RYR2: variants seen among roughly 807,000 people sequenced by gnomAD.
The protein encoded by RYR2 is ryanodine receptor 2.
A neutral mutation model predicts 601.1 loss-of-function variants in RYR2; 227 were observed. The observed-to-expected ratio is 0.38, with a 90% CI of 0.34 to 0.42. The LOEUF (loss-of-function observed/expected upper bound fraction) is 0.42. Ranked by LOEUF, RYR2 falls within the 10% of genes least tolerant of loss-of-function variation. The probability of loss-of-function intolerance (pLI) is 1.00; values close to 1 mark genes in which losing one functional copy is unlikely to be tolerated. For synonymous variants in RYR2, 2,223 were observed against 2,175.1 expected, an observed-to-expected ratio of 1.02 and a Z score of -0.61; for missense variants, 4,646 against 6,156.5, an observed-to-expected ratio of 0.75 and a Z score of 8.21.
At chr1:237,507,231 G>A (rs1665363901) in intron 23 of RYR2, among the ~76,000 whole-genome samples, 2 of 152,208 alleles carry the variant, frequency 1.3e-5, no homozygotes, top group Admixed American at 6.5e-5. Flanking sequence ...TTCCAATTGT[G>A]TGTAAAAGCG....
At chr1:237,229,453 C>G (rs1229523418) in intron 1 of RYR2, among the ~76,000 whole-genome samples, 1 of 152,180 alleles carries the variant, frequency 6.6e-6, no homozygotes, top group Non-Finnish European at 1.5e-5. Context: ...AGCACAGCTT[C>G]TGGTGACCCG....
At position 237,092,098 on chromosome 1, in the gene RYR2, G is replaced by C. The variant is rs182267284; in HGVS notation, c.48+49529G>C. 5.9e-4 allele frequency among the ~76,000 whole-genome samples: 90 copies of C among 152,262 alleles called. 2 individuals are homozygous for C. Among genetic ancestry groups the C allele is most frequent in the Admixed American group, 5.9e-3 (90 of 15,296 alleles). Reference sequence around the variant, plus strand: ...GAATGACAATTACCTAAATATACTAGAGCACCTTTATAATACTGATTTCAG... The same window carrying C: ...GAATGACAATTACCTAAATATACTACAGCACCTTTATAATACTGATTTCAG... On this transcript the variant is annotated intron_variant, in intron 1 of 104. Transcript: ENST00000366574.
At chr1:237,705,816 A>G (rs1465872259) in intron 67 of RYR2, among the ~76,000 whole-genome samples, 1 of 152,234 alleles carries the variant, frequency 6.6e-6, no homozygotes, top group African/African-American at 2.4e-5. Flanking sequence ...ATCCAGGATG[A>G]GTCAGAACAG....
At chr1:237,648,724 G>T in intron 49 of RYR2, 111 bp downstream of exon 49, 1 of 1,225,584 alleles carries the variant, frequency 8.2e-7, no homozygotes. Context: ...TGTTTATTGA[G>T]TACCTGTTAT....
Position 237,623,768 on chromosome 1 carries a change from A to G in RYR2, c.5920A>G (p.Asn1974Asp). Residue 1974 changes from asparagine to aspartate, a missense_variant, in exon 39 of 105, where the codon AAT becomes GAT. Transcript: ENST00000366574. ...TTCTTGTTTTTCAAACTTTCAGATC[A>G]ATATGCTTCTCAATTTTAAGGATGA... ...EFRSPPQEQI[N>D]MLLNFKDDKS... is the part of the protein sequence containing the mutation. 4 of 1,597,350 alleles carry G rather than the reference A, an allele frequency of 2.5e-6. No individual in the cohort carries two copies. The highest frequency in any genetic ancestry group is 3.4e-6 in the Non-Finnish European group (4 of 1,166,056).
At chr1:237,512,107 C>T (rs561444232) in intron 24 of RYR2, among the ~76,000 whole-genome samples, 16 of 152,062 alleles carry the variant, frequency 1.1e-4, no homozygotes, top group Middle Eastern at 6.8e-3. Context: ...GGCTGTGGAC[C>T]GGGACTGTGT....
Position 237,469,191 on chromosome 1 carries a change from T to C in RYR2, c.1708+4T>C, listed in dbSNP as rs1034214545. On this transcript the variant is annotated splice_donor_region_variant and intron_variant, in intron 17 of 104. Transcript: ENST00000366574. ...GAAAGACTGGAAGCTTCTTCAGGTA[T>C]GTTTTCTAGTTTTTTCCTTGTTGTG... The C allele has an allele frequency of 1.3e-6, 2 of 1,599,430 alleles. No individual in the cohort carries two copies. Among genetic ancestry groups the C allele is most frequent in the African/African-American group, 1.4e-5 (1 of 73,982 alleles).
At chr1:237,623,367 C>CTTTGTTTCTTTCTTTG (rs1553528175) in intron 38 of RYR2, among the ~76,000 whole-genome samples, 14 of 61,692 alleles carry the variant, frequency 2.3e-4, no homozygotes, top group African/African-American at 7.6e-4. Flanking sequence ...TTGTTTCTTT[C>CTTTGTTTCTTTCTTTG]TTTCTTTCTT....
At chr1:237,286,321 C>T (rs1420054134) in intron 2 of RYR2, among the ~76,000 whole-genome samples, 9 of 151,804 alleles carry the variant, frequency 5.9e-5, no homozygotes. Context: ...CATGTATTTG[C>T]ATGGTTTTGA....
chr1:237,297,271 C>A (rs1266313494), intron 2 of RYR2, among the ~76,000 whole-genome samples: 1 of 152,078 alleles, frequency 6.6e-6, no homozygotes, highest in African/African-American at 2.4e-5. Flanking sequence ...CAAGACCAAG[C>A]CTTGAGCTGA....
At chr1:237,768,358 C>T (rs1229557273) in intron 84 of RYR2, among the ~76,000 whole-genome samples, 4 of 152,060 alleles carry the variant, frequency 2.6e-5, no homozygotes, top group African/African-American at 7.2e-5. Context: ...TATGAAGAGC[C>T]AGTGACGTAG....
chr1:237,441,177 G>A, intron 12 of RYR2, 142 bp from the exon 13 acceptor site: 1 of 693,292 alleles, frequency 1.4e-6, no homozygotes, highest in South Asian at 2.1e-5. Flanking sequence ...AACTGTTAGA[G>A]TAAAATATTT....
intron 38 of RYR2, among the ~76,000 whole-genome samples, chr1:237,621,666 T>A (rs1679089241): frequency 6.6e-6 from 1 of 152,196 alleles, no homozygotes. Context: ...ATGTTAATTA[T>A]CTTGATTTAA....
Position 237,106,840 on chromosome 1 carries a change from G to A in RYR2, c.48+64271G>A, listed in dbSNP as rs1047406399. Reference sequence around the variant, plus strand: ...AAGGCTCGCTTCCTGGTTCATAGGCGGCTGTCTTCTTGCTGTGTTGTCACG... The same window carrying A: ...AAGGCTCGCTTCCTGGTTCATAGGCAGCTGTCTTCTTGCTGTGTTGTCACG... On this transcript the variant is annotated intron_variant, in intron 1 of 104. Transcript: ENST00000366574. This position sits in a 1 kb window ranked among gnomAD's most constrained non-coding sequence, Gnocchi z 4.4. Among the ~76,000 whole-genome samples the A allele has an allele frequency of 6.6e-6, 1 of 152,180 alleles. No homozygotes were observed. Among genetic ancestry groups the A allele is most frequent in the Non-Finnish European group, 1.5e-5 (1 of 68,050 alleles).
intron 24 of RYR2, 54 bp downstream of exon 24, chr1:237,511,845 A>G: frequency 1.0e-6 from 1 of 987,746 alleles, no homozygotes; most frequent in Non-Finnish European, 1.4e-6. Context: ...AAAAAAAAAA[A>G]AAAAAAAAAA....
chr1:237,693,221 T>TTG (rs1687105779), intron 63 of RYR2, among the ~76,000 whole-genome samples: 1 of 152,064 alleles, frequency 6.6e-6, no homozygotes, highest in African/African-American at 2.4e-5. Flanking sequence ...TTTTTTTTTT[T>TTG]TCTCTTATTC....
chr1:237,579,058 C>T (rs1472093108), intron 29 of RYR2, among the ~76,000 whole-genome samples: 1 of 152,100 alleles, frequency 6.6e-6, no homozygotes. Context: ...AGAAGGCCAA[C>T]CAGTGCCTTT....
rs1660613160 is a variant in RYR2 at position 237,806,148 on chromosome 1, C to T, written c.14163C>T (p.Tyr4721=). ...TTTTGTCTTAATAGTCCTTCCTCTA[C>T]CTAGCCTGGTATATGACTATGTCTG... ...GVVFTDNSFL[Y]LAWYMTMSVL... is the part of the protein sequence containing the mutation. Residue 4721 remains tyrosine, a synonymous_variant, in exon 99 of 105, where the codon TAC becomes TAT. Transcript: ENST00000366574. 3 of 1,613,530 alleles carry T rather than the reference C, an allele frequency of 1.9e-6. No individual in the cohort carries two copies. Among genetic ancestry groups the T allele is most frequent in the South Asian group, 1.1e-5 (1 of 91,042 alleles).
At chr1:237,274,632 C>T (rs141822601) in intron 2 of RYR2, among the ~76,000 whole-genome samples, 1 of 152,020 alleles carries the variant, frequency 6.6e-6, no homozygotes. Flanking sequence ...AAGTGTACAG[C>T]GTTTATAAAG....
Sources: allele counts gnomAD v4.1 joint callset (sites outside exome capture counted in the v4.1 genomes callset), GRCh38; gene constraint gnomAD v4.1.1; non-coding constraint Gnocchi (gnomAD v3.1); transcripts MANE v1.5; gene names NCBI Gene and HGNC (gene_info 2026-07-23, HGNC 2026-07-21).